ANKFN1: variants seen among roughly 807,000 people sequenced by gnomAD.
ANKFN1 encodes the protein ankyrin repeat and fibronectin type-III domain-containing protein 1.
ANKFN1 carries 74 observed loss-of-function variants against 108.7 expected under a neutral mutation model. The observed-to-expected ratio is 0.68, with a 90% CI of 0.56 to 0.83. The LOEUF (loss-of-function observed/expected upper bound fraction) is 0.83. Among genes scored for constraint, ANKFN1 ranks in the 40% least tolerant of loss-of-function variants. The pLI is 0.00. For missense variants in ANKFN1, 1,505 were observed against 1,382.3 expected, an observed-to-expected ratio of 1.09 and a Z score of -1.41; for synonymous variants, 547 against 516.2, an observed-to-expected ratio of 1.06 and a Z score of -0.81.
At chr17:56,328,517 G>C (rs989229210) in intron 4 of ANKFN1, among the ~76,000 whole-genome samples, 1 of 152,144 alleles carries the variant, frequency 6.6e-6, no homozygotes, top group African/African-American at 2.4e-5. Flanking sequence ...TAACCCAAAG[G>C]ATGTGGAATT....
At position 56,384,730 on chromosome 17, in the gene ANKFN1, G is replaced by C. The variant is rs377375684; in HGVS notation, c.910+10016G>C. Among the ~76,000 whole-genome samples, 14 of 152,154 alleles carry C rather than the reference G, an allele frequency of 9.2e-5. No individual in the cohort carries two copies. The East Asian group carries it at 2.5e-3, about 27-fold the overall frequency. Reference sequence around the variant, plus strand: ...AACTCCCATTCACAATTGCTTCAAAGAGAATAAAATACCTAGGAATCCAAC... The same window carrying C: ...AACTCCCATTCACAATTGCTTCAAACAGAATAAAATACCTAGGAATCCAAC... On this transcript the variant is annotated intron_variant, in intron 8 of 20. Transcript: ENST00000682825.
At chr17:56,396,713 G>A (rs1384833673) in intron 8 of ANKFN1, among the ~76,000 whole-genome samples, 1 of 152,136 alleles carries the variant, frequency 6.6e-6, no homozygotes, top group East Asian at 1.9e-4. Flanking sequence ...ACAGTCCTGT[G>A]GAGTAGGTAC....
chr17:56,397,603 A>G (rs1267072182), intron 8 of ANKFN1, among the ~76,000 whole-genome samples: 1 of 152,244 alleles, frequency 6.6e-6, no homozygotes, highest in Non-Finnish European at 1.5e-5. Context: ...GTGTTTGTCA[A>G]AATCTTGACT....
In ANKFN1 at chr17:56,177,609, A is replaced by C. The variant is rs568667637; in HGVS notation, c.-71+24079A>C. Among the ~76,000 whole-genome samples the C allele has an allele frequency of 4.6e-5, 7 of 152,352 alleles. No individual in the cohort carries two copies. In the East Asian group the frequency reaches 1.2e-3, roughly 25 times the overall value. On this transcript the variant is annotated intron_variant, in intron 1 of 20. Coordinates refer to ENST00000682825, the MANE Select transcript of ANKFN1 (RefSeq NM_001370326.1). ...CGTTCCAGATGACTTAGTTGCAGGA[A>C]TCAGAATGTGCCTCACAAAATAAAA...
chr17:56,083,340 C>T (rs1905270790), intron 4 of ANKFN1, among the ~76,000 whole-genome samples: 2 of 151,456 alleles, frequency 1.3e-5, no homozygotes, highest in East Asian at 1.9e-4. Context: ...ATGTGTTAGA[C>T]ATATGCTTGG....
intron 4 of ANKFN1, among the ~76,000 whole-genome samples, chr17:56,091,122 C>A (rs1038849805): frequency 6.6e-6 from 1 of 150,920 alleles, no homozygotes; most frequent in Admixed American, 6.6e-5. Flanking sequence ...TCAAAAAATT[C>A]TTGTTGAAAT....
At position 56,445,998 on chromosome 17, in the gene ANKFN1, T is replaced by C. The variant is rs186360811; in HGVS notation, c.1099+3065T>C. Among the ~76,000 whole-genome samples the C allele has an allele frequency of 1.6e-4, 25 of 152,328 alleles. No individual in the cohort carries two copies. The East Asian group carries it at 4.4e-3, about 27-fold the overall frequency. ...CTGATTTCTTAATATATTTTCAATT[T>C]TCTCCCTCATCCCTAAAGTCTCCTA... is the stretch of plus-strand genomic sequence containing the variant. On this transcript the variant is annotated intron_variant, in intron 10 of 20. Coordinates refer to ENST00000682825, the MANE Select transcript of ANKFN1 (RefSeq NM_001370326.1).
chr17:56,239,920 C>T (rs777958263), intron 3 of ANKFN1, among the ~76,000 whole-genome samples: 6 of 151,906 alleles, frequency 3.9e-5, no homozygotes, highest in East Asian at 1.9e-4. Flanking sequence ...CTTACACATT[C>T]GGGAGCTGTG....
At chr17:56,200,094 C>A (rs1403124480) in intron 1 of ANKFN1, among the ~76,000 whole-genome samples, 1 of 152,164 alleles carries the variant, frequency 6.6e-6, no homozygotes, top group African/African-American at 2.4e-5. Flanking sequence ...GCAAGCAGAT[C>A]ATCAACTCTT....
intron 4 of ANKFN1, among the ~76,000 whole-genome samples, chr17:56,049,131 CT>C (rs1457978926): frequency 6.6e-6 from 1 of 152,120 alleles, no homozygotes; most frequent in Non-Finnish European, 1.5e-5. Context: ...TTCAAGTGTT[CT>C]TTTATTTTCT....
At chr17:56,412,306 G>A (rs1269421388) in intron 8 of ANKFN1, among the ~76,000 whole-genome samples, 1 of 152,078 alleles carries the variant, frequency 6.6e-6, no homozygotes, top group East Asian at 1.9e-4. Flanking sequence ...TATTTCTGTG[G>A]TATCAGTTGT....
At chr17:56,176,150 C>A (rs1331993081) in intron 1 of ANKFN1, among the ~76,000 whole-genome samples, 1 of 151,960 alleles carries the variant, frequency 6.6e-6, no homozygotes, top group Non-Finnish European at 1.5e-5. Context: ...ATGCATTTTT[C>A]TAGTAAATGA....
chr17:56,203,477 G>A (rs1410552309), intron 1 of ANKFN1, among the ~76,000 whole-genome samples: 3 of 152,120 alleles, frequency 2.0e-5, no homozygotes, highest in African/African-American at 7.2e-5. Flanking sequence ...GATCTCCGTG[G>A]CCAGTCTCCA....
intron 15 of ANKFN1, among the ~76,000 whole-genome samples, chr17:56,475,226 C>T (rs144012924): frequency 1.2e-4 from 19 of 152,300 alleles, no homozygotes; most frequent in African/African-American, 4.3e-4. Context: ...TGTAAGCCTA[C>T]ACTGCCTCTA....
At chr17:56,095,479 T>G (rs1155520) in intron 4 of ANKFN1, among the ~76,000 whole-genome samples, 52,848 of 150,306 alleles carry the variant, frequency 0.35, 11,252 homozygotes, top group East Asian at 0.53. Context: ...TTTTTGTTGT[T>G]GTTGTTGAGA....
intron 4 of ANKFN1, among the ~76,000 whole-genome samples, chr17:56,133,378 G>T (rs1907398883): frequency 6.6e-6 from 1 of 152,176 alleles, no homozygotes; most frequent in South Asian, 2.1e-4. Flanking sequence ...CAGCATGGAT[G>T]ACTTCAAACA....
At chr17:56,411,413 T>C (rs1484875572) in intron 8 of ANKFN1, among the ~76,000 whole-genome samples, 1 of 152,206 alleles carries the variant, frequency 6.6e-6, no homozygotes, top group Non-Finnish European at 1.5e-5. Context: ...AGATTTTCTA[T>C]ATGTAAGATC....
At chr17:56,498,480 G>A (rs2051271424) in intron 19 of ANKFN1, among the ~76,000 whole-genome samples, 1 of 152,124 alleles carries the variant, frequency 6.6e-6, no homozygotes, top group Non-Finnish European at 1.5e-5. Flanking sequence ...GCATCACAAA[G>A]CACTTTCGAA....
chr17:56,499,733 C>T (rs1341462095), intron 20 of ANKFN1, among the ~76,000 whole-genome samples: 3 of 152,094 alleles, frequency 2.0e-5, no homozygotes, highest in Admixed American at 2.0e-4. Context: ...AGTATGAAGT[C>T]TAACAGCAAA....
Sources: allele counts gnomAD v4.1 joint callset (sites outside exome capture counted in the v4.1 genomes callset), GRCh38; gene constraint gnomAD v4.1.1; transcripts MANE v1.5; gene names NCBI Gene and HGNC (gene_info 2026-07-23, HGNC 2026-07-21).